C1orf87: variants seen among roughly 807,000 people sequenced by gnomAD.
C1orf87 encodes the protein uncharacterized protein C1orf87.
In C1orf87, 58 loss-of-function variants were observed where a neutral mutation model predicts 60.5. The ratio of observed to expected loss-of-function variants is 0.96; its 90% CI spans 0.78 to 1.19. The LOEUF is 1.19. Ranked by LOEUF, C1orf87 falls within the 50% of genes most tolerant of loss-of-function variation. C1orf87 has a pLI of 0.00. For synonymous variants in C1orf87, 236 were observed against 227.4 expected, an observed-to-expected ratio of 1.04 and a Z score of -0.34; for missense variants, 673 against 638.6, an observed-to-expected ratio of 1.05 and a Z score of -0.58.
chr1:59,995,518 C>T (rs896045584), intron 11 of C1orf87, among the ~76,000 whole-genome samples: 11 of 152,184 alleles, frequency 7.2e-5, no homozygotes, highest in Admixed American at 2.6e-4. Context: ...TCTTGGTACT[C>T]GCTTCTCCAT....
chr1:60,058,206 G>T (rs1418402921), intron 2 of C1orf87, among the ~76,000 whole-genome samples: 1 of 152,224 alleles, frequency 6.6e-6, no homozygotes, highest in Non-Finnish European at 1.5e-5. Context: ...GATTACCTTT[G>T]AGGGGAGATG....
chr1:60,030,892 A>G (rs541033359), intron 7 of C1orf87, among the ~76,000 whole-genome samples: 1 of 152,350 alleles, frequency 6.6e-6, no homozygotes, highest in South Asian at 2.1e-4. Context: ...ATCTTTGTGG[A>G]TGGTCAGATT....
rs775292451 is a variant in C1orf87 at position 60,055,473 on chromosome 1, A to C, written c.108-35T>G. On this transcript the variant is annotated intron_variant, in intron 2 of 11. Transcript: ENST00000371201. ...AAGAATTGTATACTTTGTTACTTACAGGCAGACTCCTCATACACTAGGCTG... is the reference window on the plus strand; with the variant it reads ...AAGAATTGTATACTTTGTTACTTACCGGCAGACTCCTCATACACTAGGCTG... The C allele has an allele frequency of 2.5e-6, 4 of 1,575,420 alleles. No individual in the cohort carries two copies. The Admixed American group carries it at 6.7e-5, about 26-fold the overall frequency.
At chr1:60,025,566 C>T in intron 7 of C1orf87, 68 bp from the exon 8 acceptor site, 1 of 1,203,086 alleles carries the variant, frequency 8.3e-7, no homozygotes, top group Non-Finnish European at 1.2e-6. Flanking sequence ...CAATAGAATA[C>T]AATTAATATT....
At chr1:60,038,304 A>G (rs1557470614) in intron 5 of C1orf87, among the ~76,000 whole-genome samples, 197 bp from the exon 6 acceptor site, 1 of 152,112 alleles carries the variant, frequency 6.6e-6, no homozygotes, top group Non-Finnish European at 1.5e-5. Flanking sequence ...GTAAAATTGT[A>G]CTTCCTGGTT....
chr1:60,054,127 G>A (rs1385844322), intron 3 of C1orf87, among the ~76,000 whole-genome samples: 4 of 152,158 alleles, frequency 2.6e-5, no homozygotes, highest in African/African-American at 9.7e-5. Context: ...TATCACCTCT[G>A]CAGATTCACT....
At chr1:60,007,801 T>G (rs1372685180) in intron 9 of C1orf87, among the ~76,000 whole-genome samples, 1 of 152,064 alleles carries the variant, frequency 6.6e-6, no homozygotes, top group Non-Finnish European at 1.5e-5. Context: ...AGGATTTTTA[T>G]GATTCTTAAT....
chr1:60,012,321 C>T (rs908945980), intron 8 of C1orf87, among the ~76,000 whole-genome samples: 2 of 151,940 alleles, frequency 1.3e-5, no homozygotes, highest in African/African-American at 4.8e-5. Context: ...TATGAGATAA[C>T]GCCTCTGGAT....
At chr1:60,069,331 G>A (rs970153317) in intron 2 of C1orf87, among the ~76,000 whole-genome samples, 1 of 152,148 alleles carries the variant, frequency 6.6e-6, no homozygotes, top group Non-Finnish European at 1.5e-5. Context: ...GGGAGCTGAG[G>A]TTCTGTTTCT....
rs745507556 is a variant in C1orf87, at chr1:60,001,079, T to A, written c.1270A>T (p.Met424Leu). Residue 424 changes from methionine to leucine, a missense_variant and splice_region_variant, in exon 10 of 12, where the codon ATG becomes TTG. Physicochemically the swap from Met to Leu is conservative, Grantham distance 15. Coordinates refer to ENST00000371201, the MANE Select transcript of C1orf87 (RefSeq NM_152377.3). ...PEMSQSKTEH[M>L]KTPEEELQPE... The stretch of plus-strand genomic sequence containing the variant: ...CTCTATATACCCCAGGTGCATACCA[T>A]ATGTTCAGTTTTGCTTTGAGACATC... 118 of 1,608,320 alleles carry A rather than the reference T, an allele frequency of 7.3e-5. No homozygotes were observed. The Admixed American group carries it at 1.9e-3, about 26-fold the overall frequency.
chr1:60,043,991 G>A (rs1377139357), intron 3 of C1orf87, among the ~76,000 whole-genome samples: 1 of 152,128 alleles, frequency 6.6e-6, no homozygotes, highest in Non-Finnish European at 1.5e-5. Flanking sequence ...ATAGTTCTTT[G>A]GGCCTAGACA....
At chr1:60,037,131 G>A (rs1237616415) in intron 6 of C1orf87, among the ~76,000 whole-genome samples, 1 of 152,214 alleles carries the variant, frequency 6.6e-6, no homozygotes, top group African/African-American at 2.4e-5. Flanking sequence ...TGCTGGTGAA[G>A]AGCAAAGTGA....
At chr1:60,046,259 T>C (rs1645367821) in intron 3 of C1orf87, among the ~76,000 whole-genome samples, 1 of 140,226 alleles carries the variant, frequency 7.1e-6, no homozygotes, top group South Asian at 2.7e-4. Context: ...TCCCTTCCTT[T>C]CTTTCTTTCT....
At chr1:60,005,449 C>A (rs1002483672) in intron 9 of C1orf87, among the ~76,000 whole-genome samples, 4 of 151,966 alleles carry the variant, frequency 2.6e-5, no homozygotes, top group Admixed American at 6.6e-5. Flanking sequence ...CAGCTAAAAC[C>A]AATGATTAGG....
chr1:60,007,448 T>G (rs1005764936), intron 9 of C1orf87, among the ~76,000 whole-genome samples: 1 of 152,114 alleles, frequency 6.6e-6, no homozygotes, highest in African/African-American at 2.4e-5. Flanking sequence ...GTCATTCATT[T>G]TCTTGAACAT....
chr1:60,033,678 T>C (rs780498641), intron 6 of C1orf87, 37 bp from the exon 7 acceptor site: 2 of 1,597,014 alleles, frequency 1.3e-6, no homozygotes, highest in East Asian at 4.5e-5. Context: ...TATGAAAAGG[T>C]TATCCACCCA....
Position 60,040,984 on chromosome 1 carries a change from T to A in C1orf87, c.483+7A>T. The A allele has an allele frequency of 6.3e-7, 1 of 1,599,094 alleles. No individual in the cohort carries two copies. Reference sequence around the variant, plus strand: ...AGACACAACTCAACAACTCTTAGTATACACACCTCAGGTTGGTCAGAGCTG... The same window carrying A: ...AGACACAACTCAACAACTCTTAGTAAACACACCTCAGGTTGGTCAGAGCTG... On this transcript the variant is annotated splice_region_variant and intron_variant, in intron 4 of 11. Coordinates refer to ENST00000371201, the MANE Select transcript of C1orf87 (RefSeq NM_152377.3).
intron 2 of C1orf87, among the ~76,000 whole-genome samples, chr1:60,058,769 C>T (rs1457647867): frequency 6.6e-6 from 1 of 152,084 alleles, no homozygotes; most frequent in Non-Finnish European, 1.5e-5. Context: ...ATCCTATTGG[C>T]AGTAGAGTCA....
At chr1:60,004,269 C>A (rs143608874) in intron 9 of C1orf87, among the ~76,000 whole-genome samples, 39 of 151,944 alleles carry the variant, frequency 2.6e-4, no homozygotes, top group African/African-American at 9.4e-4. Flanking sequence ...CAGAAATTTG[C>A]AATAATACTG....
Sources: allele counts gnomAD v4.1 joint callset (sites outside exome capture counted in the v4.1 genomes callset), GRCh38; gene constraint gnomAD v4.1.1; transcripts MANE v1.5; gene names NCBI Gene and HGNC (gene_info 2026-07-23, HGNC 2026-07-21).